The following CRYM variants were observed in gnomAD, a reference collection of about 807,000 sequenced individuals.
The protein encoded by CRYM is crystallin mu.
CRYM carries 18 observed loss-of-function variants against 32.9 expected under a neutral mutation model. That is an observed-to-expected ratio of 0.55 (90% CI 0.38 to 0.81). The LOEUF (loss-of-function observed/expected upper bound fraction) is 0.81. Among genes scored for constraint, CRYM ranks in the 30% least tolerant of loss-of-function variants. CRYM has a pLI of 0.00. For missense variants in CRYM, 337 were observed against 393.5 expected, an observed-to-expected ratio of 0.86 and a Z score of 1.21; for synonymous variants, 153 against 152.4, an observed-to-expected ratio of 1.00 and a Z score of -0.03.
intron 1 of CRYM, chr16:21,300,436 C>T (rs758433895): frequency 6.7e-6 from 1 of 148,634 alleles, no homozygotes; most frequent in Non-Finnish European, 1.5e-5. Context: ...CACACTGGAA[C>T]AAGTCTTCCT....
Position 21,267,702 on chromosome 16 carries a change from CT to C in CRYM, c.524del (p.Glu175GlyfsTer26), listed in dbSNP as rs1247690040. 6.2e-7 allele frequency: 1 copy of C among 1,614,222 alleles called. No homozygotes were observed. On this transcript the variant is annotated frameshift_variant, in exon 5 of 8. Transcript: ENST00000572914. LOFTEE classifies it high-confidence loss of function. ...CTCCTTGCACTGTGTCTGCAAACTT[CT>C]CTGCATTTTCTTTGGTGCGGTTCCA... Reference protein sequence around the residue: ...RIWNRTKENAEKFADTVQGEV... With the variant: ...RIWNRTKENAXKFADTVQGEV...
At chr16:21,261,907 C>T (rs866126885) in intron 6 of CRYM, 130 bp downstream of exon 6, 1 of 1,094,498 alleles carries the variant, frequency 9.1e-7, no homozygotes, top group Non-Finnish European at 1.4e-6. Flanking sequence ...TTTAGGAGCT[C>T]CTTCCCCTAC....
chr16:21,277,703 C>A lies in CRYM; in HGVS notation c.171-119G>T. ...CACCACCCCACTGGCCCTCTTCCAG[C>A]CCCCGCATCCCTCTGCCCTTCCCTT... On this transcript the variant is annotated intron_variant, in intron 1 of 7. Coordinates refer to ENST00000572914, the MANE Select transcript of CRYM (RefSeq NM_001376256.1). The surrounding 1 kb of genome is among the most constrained non-coding windows in gnomAD (Gnocchi z 4.2). The A allele has an allele frequency of 9.3e-7, 1 of 1,076,526 alleles. No individual in the cohort carries two copies. The highest frequency in any genetic ancestry group is 1.4e-6 in the Non-Finnish European group (1 of 730,632). 66.7% of individuals were successfully genotyped at this position (1,076,526 alleles called of 1,614,324 possible).
intron 5 of CRYM, 177 bp from the exon 6 acceptor site, chr16:21,262,335 A>G: frequency 1.4e-6 from 1 of 699,410 alleles, no homozygotes; most frequent in Non-Finnish European, 2.4e-6. Context: ...ATTAAGAAAT[A>G]GGCCAGGTGT....
intron 1 of CRYM, among the ~76,000 whole-genome samples, chr16:21,298,881 ATG>A (rs1960840000): frequency 6.6e-6 from 1 of 152,220 alleles, no homozygotes; most frequent in Non-Finnish European, 1.5e-5. Flanking sequence ...TGTTACAAAC[ATG>A]TGTTTTTTCA....
upstream of CRYM, chr16:21,279,072 A>AT (rs1446035967): frequency 1.3e-5 from 2 of 152,222 alleles, no homozygotes; most frequent in African/African-American, 2.4e-5. Context: ...AAGAGAGATG[A>AT]TTTTGACCTG....
intron 4 of CRYM, among the ~76,000 whole-genome samples, chr16:21,269,092 C>T (rs1004728261): frequency 2.7e-5 from 4 of 145,782 alleles, no homozygotes; most frequent in African/African-American, 5.1e-5. Flanking sequence ...TGCAGTGAGC[C>T]GAGATTATGC....
At chr16:21,258,941 T>C in intron 7 of CRYM, 96 bp from the exon 8 acceptor site, 2 of 931,158 alleles carry the variant, frequency 2.1e-6, no homozygotes, top group East Asian at 2.4e-5. Context: ...TACATGTCCA[T>C]GTTGCCAATG....
At chr16:21,291,670 A>C (rs1960659780) in intron 1 of CRYM, among the ~76,000 whole-genome samples, 1 of 151,996 alleles carries the variant, frequency 6.6e-6, no homozygotes, top group Non-Finnish European at 1.5e-5. Context: ...TTATGATGAA[A>C]CTTCTCAACA....
chr16:21,292,182 T>C (rs1455069133), intron 1 of CRYM, among the ~76,000 whole-genome samples: 1 of 152,120 alleles, frequency 6.6e-6, no homozygotes, highest in African/African-American at 2.4e-5. Context: ...TACAATGGAA[T>C]ACCCTCAGCA....
intron 1 of CRYM, among the ~76,000 whole-genome samples, chr16:21,291,405 T>C (rs1960652141): frequency 6.6e-6 from 1 of 152,218 alleles, no homozygotes; most frequent in Non-Finnish European, 1.5e-5. Flanking sequence ...TACATGTGAA[T>C]AATTCTACCT....
In CRYM at chr16:21,267,938, T is replaced by C. The variant is rs370664014; in HGVS notation, c.490-201A>G. Among the ~76,000 whole-genome samples, 57 of 152,350 alleles carry C rather than the reference T, an allele frequency of 3.7e-4. 1 individual carries two copies. In the South Asian group the frequency reaches 0.011, roughly 29 times the overall value. ...TAACTTAGACACCTAGCCAGGTATT[T>C]GAAAATCAGCGTTCTCTACCACTTT... On this transcript the variant is annotated intron_variant, in intron 4 of 7. Transcript: ENST00000572914.
At chr16:21,285,868 A>G (rs2093406372) in intron 1 of CRYM, among the ~76,000 whole-genome samples, 1 of 152,246 alleles carries the variant, frequency 6.6e-6, no homozygotes, top group African/African-American at 2.4e-5. Context: ...AAACATAAAA[A>G]GAATCAGCAA....
At chr16:21,266,726 C>T (rs753969207) in intron 5 of CRYM, among the ~76,000 whole-genome samples, 34 of 152,226 alleles carry the variant, frequency 2.2e-4, no homozygotes, top group Middle Eastern at 6.8e-3. Context: ...TATGGTCAGG[C>T]GTAGTGGCTC....
chr16:21,291,630 G>A (rs1722236546), intron 1 of CRYM, among the ~76,000 whole-genome samples: 1 of 152,028 alleles, frequency 6.6e-6, no homozygotes, highest in Non-Finnish European at 1.5e-5. Flanking sequence ...TCAATAGAGG[G>A]GAAAGCACTT....
chr16:21,283,606 G>A (rs569558539), intron 1 of CRYM: 1 of 151,666 alleles, frequency 6.6e-6, no homozygotes, highest in Non-Finnish European at 1.5e-5. Context: ...GACAAGCAAC[G>A]GATGAAGTAT....
At chr16:21,280,175 T>A (rs2093395725), upstream of CRYM, among the ~76,000 whole-genome samples, 1 of 151,936 alleles carries the variant, frequency 6.6e-6, no homozygotes, top group African/African-American at 2.4e-5. Flanking sequence ...AGGTGAGGAG[T>A]TCGAGACCAG....
intron 1 of CRYM, among the ~76,000 whole-genome samples, chr16:21,299,433 C>T (rs1460504865): frequency 7.2e-5 from 11 of 152,074 alleles, no homozygotes; most frequent in South Asian, 2.1e-4. Flanking sequence ...CTCAGCCTCC[C>T]GAGTAGCTTG....
At chr16:21,276,876 C>T (rs1347345763) in intron 2 of CRYM, among the ~76,000 whole-genome samples, 1 of 152,118 alleles carries the variant, frequency 6.6e-6, no homozygotes, top group Non-Finnish European at 1.5e-5. Flanking sequence ...TCATATTACC[C>T]ATATCATAGA....
Sources: gnomAD v4.1 joint callset for allele counts (sites outside exome capture counted in the v4.1 genomes callset) on GRCh38, gnomAD v4.1.1 for gene constraint, Gnocchi (gnomAD v3.1) non-coding constraint, MANE v1.5 for transcripts, NCBI Gene and HGNC (gene_info 2026-07-23, HGNC 2026-07-21) for gene names.